Variants in BLTP3B observed in about 807,000 individuals in gnomAD.
The protein encoded by BLTP3B is bridge-like lipid transfer protein family member 3B, also known as UHRF1 (ICBP90) binding protein 1-like.
chr12:100,109,128 A>G, the BLTP3B span, among the ~76,000 whole-genome samples: 2 of 145,070 alleles, frequency 1.4e-5, no homozygotes, highest in Non-Finnish European at 3.0e-5. Flanking sequence ...TTCTCACAAG[A>G]TCTGATGATT....
At chr12:100,038,509 T>C in the BLTP3B span, among the ~76,000 whole-genome samples, 3 of 152,146 alleles carry the variant, frequency 2.0e-5, no homozygotes, top group Admixed American at 1.3e-4. Flanking sequence ...CTAATTTTTA[T>C]ATTTTTAGTA....
At chr12:100,084,332 A>G in the BLTP3B span, 4 of 906,086 alleles carry the variant, frequency 4.4e-6, no homozygotes, top group Non-Finnish European at 6.3e-6. Flanking sequence ...CCATCTCTAC[A>G]TTAAAAAGAA....
chr12:100,119,108 G>GAAA, the BLTP3B span, among the ~76,000 whole-genome samples: 10 of 151,624 alleles, frequency 6.6e-5, no homozygotes, highest in Non-Finnish European at 1.5e-4. Context: ...TCTCAAAAAT[G>GAAA]AAATAAAATA....
the BLTP3B span, among the ~76,000 whole-genome samples, chr12:100,124,947 TA>T: frequency 2.4e-5 from 1 of 41,380 alleles, no homozygotes; most frequent in Non-Finnish European, 4.5e-5. Context: ...TATATATATA[TA>T]TATATATATA....
At chr12:100,095,480 GAATA>G in the BLTP3B span, among the ~76,000 whole-genome samples, 1 of 152,094 alleles carries the variant, frequency 6.6e-6, no homozygotes, top group Middle Eastern at 3.2e-3. Context: ...GCTCTAAACA[GAATA>G]AACACTAACA....
chr12:100,077,511 G>A, the BLTP3B span, among the ~76,000 whole-genome samples: 1 of 152,220 alleles, frequency 6.6e-6, no homozygotes, highest in Non-Finnish European at 1.5e-5. Context: ...GAACTGACCA[G>A]CACATTGTAG....
chr12:100,086,097 TATGA>T, the BLTP3B span, among the ~76,000 whole-genome samples: 3 of 152,138 alleles, frequency 2.0e-5, no homozygotes, highest in South Asian at 6.2e-4. Context: ...ATATACACTG[TATGA>T]CTATATTCCA....
At chr12:100,142,833 G>C in the BLTP3B span, 1 of 684,854 alleles carries the variant, frequency 1.5e-6, no homozygotes, top group Admixed American at 3.6e-5. Context: ...CGCCACGGCC[G>C]CCGCGGGCGC....
the BLTP3B span, among the ~76,000 whole-genome samples, chr12:100,053,385 G>GTGAGTCT: frequency 6.6e-6 from 1 of 152,050 alleles, no homozygotes; most frequent in Non-Finnish European, 1.5e-5. Context: ...TCCAACCTGG[G>GTGAGTCT]CAACAGAGTG....
At chr12:100,093,555 C>G in the BLTP3B span, among the ~76,000 whole-genome samples, 1 of 152,104 alleles carries the variant, frequency 6.6e-6, no homozygotes, top group Admixed American at 6.6e-5. Flanking sequence ...ATCTTGTTTC[C>G]CAGAGGAGTT....
chr12:100,091,426 G>A, the BLTP3B span, among the ~76,000 whole-genome samples: 1 of 151,698 alleles, frequency 6.6e-6, no homozygotes, highest in African/African-American at 2.4e-5. Flanking sequence ...CTGACCTTGG[G>A]ATCTGCCCGC....
At chr12:100,103,919 G>T in the BLTP3B span, 2 of 1,601,280 alleles carry the variant, frequency 1.2e-6, no homozygotes, top group South Asian at 2.3e-5. Flanking sequence ...TCACCAAACA[G>T]ATGGGATGTG....
chr12:100,114,370 A>T, the BLTP3B span, among the ~76,000 whole-genome samples: 1 of 152,216 alleles, frequency 6.6e-6, no homozygotes, highest in Non-Finnish European at 1.5e-5. Flanking sequence ...ACTGAGAAAC[A>T]CATAGCCACA....
the BLTP3B span, among the ~76,000 whole-genome samples, chr12:100,045,862 G>C: frequency 6.6e-6 from 1 of 152,030 alleles, no homozygotes; most frequent in African/African-American, 2.4e-5. Context: ...AATCTACAAA[G>C]AACTTAAACA....
chr12:100,124,936 T>TTGTA, the BLTP3B span, among the ~76,000 whole-genome samples: 8 of 56,544 alleles, frequency 1.4e-4, no homozygotes, highest in Admixed American at 9.1e-4. Flanking sequence ...AAAAAAAATT[T>TTGTA]TATATATATA....
the BLTP3B span, among the ~76,000 whole-genome samples, chr12:100,045,696 A>AC: frequency 6.6e-6 from 1 of 152,248 alleles, no homozygotes; most frequent in African/African-American, 2.4e-5. Flanking sequence ...AAACACCAAA[A>AC]GCAATAGCAA....
the BLTP3B span, among the ~76,000 whole-genome samples, chr12:100,104,878 C>T: frequency 1.1e-5 from 1 of 93,078 alleles, no homozygotes. Flanking sequence ...ATAACTACTG[C>T]TACTACAAAA....
the BLTP3B span, among the ~76,000 whole-genome samples, chr12:100,127,214 T>C: frequency 1.3e-5 from 2 of 152,270 alleles, no homozygotes; most frequent in Admixed American, 1.3e-4. Context: ...TTTTAAACAA[T>C]AAAAGACCTT....
At chr12:100,130,995 G>A in the BLTP3B span, among the ~76,000 whole-genome samples, 656 of 68,826 alleles carry the variant, frequency 9.5e-3, 9 homozygotes, top group African/African-American at 0.086. Flanking sequence ...GAGAGAGAGA[G>A]AGAGAGAGAG....
Sources: gnomAD v4.1 joint callset for allele counts (sites outside exome capture counted in the v4.1 genomes callset) on GRCh38, gnomAD v4.1.1 for gene constraint, MANE v1.5 for transcripts, NCBI Gene and HGNC (gene_info 2026-07-23, HGNC 2026-07-21) for gene names.